The following WWC2 variants were observed in gnomAD, a reference collection of about 807,000 sequenced individuals.
The protein encoded by WWC2 is WW and C2 domain containing 2.
In WWC2, 101 loss-of-function variants were observed where a neutral mutation model predicts 138.5. That is an observed-to-expected ratio of 0.73 (90% confidence interval 0.62 to 0.86). The LOEUF is 0.86. Ranked by LOEUF, WWC2 falls within the 40% of genes least tolerant of loss-of-function variation. WWC2 has a pLI of 0.00. For missense variants in WWC2, 1,420 were observed against 1,419.4 expected (o/e 1.00, Z -0.01); for synonymous variants, 558 against 538.4 (o/e 1.04, Z -0.50).
intron 1 of WWC2, among the ~76,000 whole-genome samples, chr4:183,146,697 G>T (rs1308898549): frequency 2.0e-5 from 3 of 152,178 alleles, no homozygotes; most frequent in Admixed American, 1.3e-4. Context: ...ACAGGGTGGG[G>T]CTGGGGCTGG....
chr4:183,306,939 G>T (rs79423819), intron 21 of WWC2, among the ~76,000 whole-genome samples: 1 of 143,344 alleles, frequency 7.0e-6, no homozygotes, highest in African/African-American at 2.6e-5. Context: ...TCCTCTGACA[G>T]AAATAAACAG....
intron 1 of WWC2, among the ~76,000 whole-genome samples, chr4:183,150,118 G>A (rs1733598291): frequency 6.6e-6 from 1 of 152,190 alleles, no homozygotes; most frequent in Non-Finnish European, 1.5e-5. Context: ...GACAGGGAGT[G>A]AGAGGTCCTG....
At chr4:183,157,562 G>A (rs1210566429) in intron 1 of WWC2, among the ~76,000 whole-genome samples, 1 of 152,052 alleles carries the variant, frequency 6.6e-6, no homozygotes, top group Non-Finnish European at 1.5e-5. Context: ...GTGCAGTGGC[G>A]CAATCTCAGC....
chr4:183,127,594 A>G (rs1732799127), intron 1 of WWC2, among the ~76,000 whole-genome samples: 1 of 152,184 alleles, frequency 6.6e-6, no homozygotes, highest in Non-Finnish European at 1.5e-5. Context: ...AGTTAATTAT[A>G]GTGCATTATA....
At chr4:183,217,681 TA>T (rs1217403676) in intron 4 of WWC2, among the ~76,000 whole-genome samples, 2 of 151,430 alleles carry the variant, frequency 1.3e-5, no homozygotes, top group Non-Finnish European at 2.9e-5. Flanking sequence ...CATTACCAAA[TA>T]AAAGATCAGT....
At chr4:183,210,761 G>A (rs569819687) in intron 4 of WWC2, among the ~76,000 whole-genome samples, 12 of 152,292 alleles carry the variant, frequency 7.9e-5, no homozygotes, top group Non-Finnish European at 1.8e-4. Context: ...TGTACCGTAT[G>A]ATACTGTACT....
intron 12 of WWC2, 63 bp from the exon 13 acceptor site, chr4:183,265,625 C>T: frequency 2.0e-6 from 3 of 1,493,822 alleles, no homozygotes; most frequent in Non-Finnish European, 2.7e-6. Flanking sequence ...AAGTGGCAAA[C>T]TGTTAACCAT....
chr4:183,169,885 A>C (rs978956409), intron 1 of WWC2, among the ~76,000 whole-genome samples: 1 of 152,220 alleles, frequency 6.6e-6, no homozygotes, highest in African/African-American at 2.4e-5. Flanking sequence ...ACACTTTTGA[A>C]AACCCGATTT....
Position 183,284,491 on chromosome 4 carries a change from A to G in WWC2, c.3048+101A>G, listed in dbSNP as rs1041781631. On this transcript the variant is annotated intron_variant, in intron 19 of 22. Transcript: ENST00000403733. ...ACAAGAGACTGTGCACTGGGAGTCC[A>G]CATGACAACGACAAATGCTAGAAAT... is the stretch of plus-strand genomic sequence containing the variant. 5.1e-5 allele frequency: 68 copies of G among 1,323,008 alleles called. 1 individual carries two copies. In the African/African-American group the frequency reaches 7.7e-4, roughly 15 times the overall value. 82.0% of individuals were successfully genotyped at this position (1,323,008 alleles called of 1,614,324 possible). A position where few individuals can be genotyped will look rare whatever the true frequency, so the allele number is the denominator to read the frequency against.
chr4:183,125,437 A>G (rs1315566844), intron 1 of WWC2, among the ~76,000 whole-genome samples: 1 of 152,230 alleles, frequency 6.6e-6, no homozygotes, highest in Non-Finnish European at 1.5e-5. Flanking sequence ...AGTTTTCAAA[A>G]ATGCTATTTC....
intron 5 of WWC2, among the ~76,000 whole-genome samples, chr4:183,241,976 A>G (rs1736637496): frequency 6.6e-6 from 1 of 152,214 alleles, no homozygotes; most frequent in African/African-American, 2.4e-5. Flanking sequence ...CAATTTTTAT[A>G]GGAATCTAAG....
chr4:183,230,497 T>G (rs1736210745), intron 4 of WWC2, among the ~76,000 whole-genome samples: 2 of 152,160 alleles, frequency 1.3e-5, no homozygotes, highest in African/African-American at 4.8e-5. Context: ...ACCAATATGG[T>G]GAAACCCCAT....
chr4:183,127,855 A>G (rs1329678720), intron 1 of WWC2, among the ~76,000 whole-genome samples: 2 of 152,174 alleles, frequency 1.3e-5, no homozygotes, highest in East Asian at 1.9e-4. Context: ...TCCTAATTAT[A>G]TAAGAGCTTT....
chr4:183,285,992 C>A lies in WWC2; in HGVS notation c.3074C>A (p.Ser1025Ter). Residue 1025 changes from serine to a stop codon, truncating the protein, a stop_gained, in exon 20 of 23, where the codon TCA (serine) becomes TAA (stop). Coordinates refer to ENST00000403733, the MANE Select transcript of WWC2 (RefSeq NM_024949.6). LOFTEE classifies it high-confidence loss of function. ...CRLNRSDSDS[S>*]TLAKKSLFVR... ...TTAAATCGGAGTGACAGTGACAGTT[C>A]AACCCTGGCTAAAAAATCACTGTTT... is the stretch of plus-strand genomic sequence containing the variant. 6.3e-7 allele frequency: 1 copy of A among 1,594,136 alleles called. No homozygotes were observed. The highest frequency in any genetic ancestry group is 1.1e-5 in the South Asian group (1 of 87,848).
At chr4:183,263,726 C>T (rs1467115460) in intron 11 of WWC2, among the ~76,000 whole-genome samples, 2 of 152,138 alleles carry the variant, frequency 1.3e-5, no homozygotes, top group African/African-American at 4.8e-5. Flanking sequence ...CACCACTGCA[C>T]TCCAGCCTAG....
chr4:183,313,318 C>G (rs1387229184), intron 22 of WWC2, among the ~76,000 whole-genome samples: 2 of 152,098 alleles, frequency 1.3e-5, no homozygotes, highest in Non-Finnish European at 2.9e-5. Context: ...TGCACAAAAC[C>G]AAATGATGGG....
chr4:183,199,498 G>A (rs1735245501), intron 2 of WWC2, among the ~76,000 whole-genome samples: 2 of 152,096 alleles, frequency 1.3e-5, no homozygotes, highest in African/African-American at 4.8e-5. Context: ...TGGAAGGAGG[G>A]ATCATGCCCG....
chr4:183,237,479 T>A (rs1231626496), intron 4 of WWC2, among the ~76,000 whole-genome samples: 1 of 152,192 alleles, frequency 6.6e-6, no homozygotes, highest in East Asian at 1.9e-4. Flanking sequence ...ATGAGCTCAT[T>A]GCTCTTAATT....
chr4:183,251,262 C>T (rs1030482545), intron 8 of WWC2, among the ~76,000 whole-genome samples: 2 of 152,194 alleles, frequency 1.3e-5, no homozygotes, highest in Non-Finnish European at 2.9e-5. Context: ...GGCAATGTGC[C>T]AGCTTTCGGT....
Sources: gnomAD v4.1 joint callset for allele counts (sites outside exome capture counted in the v4.1 genomes callset) on GRCh38, gnomAD v4.1.1 for gene constraint, MANE v1.5 for transcripts, NCBI Gene and HGNC (gene_info 2026-07-23, HGNC 2026-07-21) for gene names.